The following MRE11 variants were observed in gnomAD, a reference collection of about 807,000 sequenced individuals.
The protein encoded by MRE11 is double-strand break repair protein MRE11.
A neutral mutation model predicts 91.7 loss-of-function variants in MRE11; 62 were observed. That is an observed-to-expected ratio of 0.68 (90% CI 0.55 to 0.84). The LOEUF (loss-of-function observed/expected upper bound fraction) is 0.84, where lower values mean the gene tolerates loss of function less well. MRE11 is among the 40% of genes least tolerant of loss of function. The pLI is 0.00. For missense variants in MRE11, 796 were observed against 852.9 expected (o/e 0.93, Z 0.83); for synonymous variants, 273 against 271.4 (o/e 1.01, Z -0.06).
chr11:94,490,473 C>T (rs1053963655), intron 3 of MRE11, among the ~76,000 whole-genome samples: 1 of 152,186 alleles, frequency 6.6e-6, no homozygotes, highest in Non-Finnish European at 1.5e-5. Flanking sequence ...CTATCACATA[C>T]AACCTTGCAT....
intron 16 of MRE11, among the ~76,000 whole-genome samples, chr11:94,440,578 T>G (rs1945752679): frequency 6.6e-6 from 1 of 152,148 alleles, no homozygotes; most frequent in African/African-American, 2.4e-5. Flanking sequence ...ATGTTAACAT[T>G]GGTTTTGAGA....
intron 14 of MRE11, among the ~76,000 whole-genome samples, chr11:94,448,934 T>TA (rs1946021426): frequency 6.6e-6 from 1 of 151,972 alleles, no homozygotes; most frequent in South Asian, 2.1e-4. Flanking sequence ...ACACACAAAC[T>TA]ATAAAGAAGA....
chr11:94,510,884 A>C, the MRE11 span, among the ~76,000 whole-genome samples: 1 of 152,212 alleles, frequency 6.6e-6, no homozygotes, highest in Non-Finnish European at 1.5e-5. Flanking sequence ...GTTCAAATCA[A>C]ATCTTAGGCA....
chr11:94,487,353 C>T (rs74611001), intron 3 of MRE11, among the ~76,000 whole-genome samples: 52 of 152,312 alleles, frequency 3.4e-4, no homozygotes, highest in African/African-American at 1.2e-3. Flanking sequence ...GAACACGACT[C>T]ACTTCTGTGG....
At chr11:94,475,358 T>C (rs1946824095) in intron 7 of MRE11, 1 of 297,334 alleles carries the variant, frequency 3.4e-6, no homozygotes, top group South Asian at 3.2e-5. Context: ...GCAAATGCTA[T>C]ACCATTTTAT....
In MRE11 at chr11:94,419,507, G is replaced by A. The variant is rs2134730107; in HGVS notation, c.*618C>T. 4.8e-6 allele frequency: 1 copy of A among 207,180 alleles called. No homozygotes were observed. Among genetic ancestry groups the A allele is most frequent in the East Asian group, 6.6e-5 (1 of 15,064 alleles). 12.8% of individuals were successfully genotyped at this position (207,180 alleles called of 1,614,324 possible). ...GAGAGAGAGAGAGAACACCATTAAGGATACAGAATAATAAAGGAAATTACT... is the reference window on the plus strand; with the variant it reads ...GAGAGAGAGAGAGAACACCATTAAGAATACAGAATAATAAAGGAAATTACT... On this transcript the variant is annotated 3_prime_UTR_variant, in exon 20 of 20. Transcript: ENST00000323929.
At chr11:94,469,878 G>C (rs767245930) in intron 9 of MRE11, among the ~76,000 whole-genome samples, 2 of 152,146 alleles carry the variant, frequency 1.3e-5, no homozygotes, top group African/African-American at 2.4e-5. Context: ...AGCAAGTGAT[G>C]CTAATTAAGC....
At chr11:94,491,020 TCAAA>T (rs1947271197) in intron 2 of MRE11, 55 bp from the exon 3 acceptor site, 1 of 1,067,278 alleles carries the variant, frequency 9.4e-7, no homozygotes, top group Admixed American at 2.1e-5. Flanking sequence ...TAAAGGATAT[TCAAA>T]CAAATTGAGA....
At chr11:94,470,380 A>T in intron 9 of MRE11, 91 bp downstream of exon 9, 1 of 1,273,164 alleles carries the variant, frequency 7.9e-7, no homozygotes, top group South Asian at 1.2e-5. Flanking sequence ...ATCAACATAA[A>T]GGCTTCCCTC....
chr11:94,432,725 G>A (rs1304256426), intron 18 of MRE11, among the ~76,000 whole-genome samples: 1 of 152,208 alleles, frequency 6.6e-6, no homozygotes, highest in Non-Finnish European at 1.5e-5. Context: ...AGAATGGCGT[G>A]AACCCAGGAG....
rs1555005329 is a variant in MRE11, at chr11:94,447,286, T to C, written c.1716A>G (p.Arg572=). The C allele has an allele frequency of 6.2e-7, 1 of 1,614,102 alleles. No homozygotes were observed. Among genetic ancestry groups the C allele is most frequent in the Non-Finnish European group, 8.5e-7 (1 of 1,180,004 alleles). ...ISAATNKGRG[R]GRGRRGGRGQ... is the part of the protein sequence containing the mutation. The stretch of plus-strand genomic sequence containing the variant: ...CTCTTCCACCTCTTCGACCTCTTCC[T>C]CGGCCTCTTCCTTTGTTGGTTGCTG... The change falls in exon 15 of 20, where the codon CGA becomes CGG. Residue 572 remains arginine (R), a synonymous_variant. Transcript: ENST00000323929.
At chr11:94,481,374 T>A (rs1411070227) in intron 4 of MRE11, among the ~76,000 whole-genome samples, 2 of 152,216 alleles carry the variant, frequency 1.3e-5, no homozygotes, top group African/African-American at 4.8e-5. Flanking sequence ...CCATATTCTT[T>A]ATTTATTACT....
chr11:94,486,159 T>TAAA lies in MRE11; in HGVS notation c.154-78_154-76dup, dbSNP rs199539992. ...TTTTGTAAACTACAGATGAAAGAGA[T>TAAA]AAAAAAAAACTCACAAAAGACACTA... On this transcript the variant is annotated intron_variant, in intron 3 of 19. Coordinates refer to ENST00000323929, the MANE Select transcript of MRE11 (RefSeq NM_005591.4). 1.2e-3 allele frequency: 1,740 copies of TAAA among 1,414,530 alleles called. 5 individuals carry two copies. The African/African-American group carries it at 0.019, about 15-fold the overall frequency. The allele number at this position is 1,414,530 out of a possible 1,614,324, so 87.6% of individuals were successfully genotyped here. A position where few individuals can be genotyped will look rare whatever the true frequency, so the allele number is the denominator to read the frequency against.
intron 19 of MRE11, among the ~76,000 whole-genome samples, chr11:94,428,855 C>T (rs937750906): frequency 6.6e-6 from 1 of 151,416 alleles, no homozygotes; most frequent in Non-Finnish European, 1.5e-5. Context: ...AAGAGCGAAA[C>T]TCCATGTCAA....
chr11:94,466,558 A>C (rs762603325), intron 10 of MRE11: 1 of 516,456 alleles, frequency 1.9e-6, no homozygotes, highest in East Asian at 5.6e-5. Context: ...AAAACCCGCA[A>C]ATACTTTTGC....
rs1805362 is a variant in MRE11, at chr11:94,420,160, T to C, written c.2092A>G (p.Met698Val). 9.9e-4 allele frequency: 1,571 copies of C among 1,582,312 alleles called. 25 individuals are homozygous for C. In the African/African-American group the frequency reaches 0.019, roughly 19 times the overall value. Residue 698 changes from methionine (M) to valine (V), a missense_variant, in exon 20 of 20, where the codon ATG becomes GTG. Physicochemically the swap from Met to Val is conservative, Grantham distance 21. Transcript: ENST00000323929. ...SSEDDDDDPFMNTSSLRRNRR is the reference protein window; with the variant it reads ...SSEDDDDDPFVNTSSLRRNRR ...TTTCTTCTTAAAGAACTAGTGTTCA[T>C]AAAAGGATCATCATCATCATCCTGA...
chr11:94,462,920 A>C (rs371859034), intron 11 of MRE11, among the ~76,000 whole-genome samples: 2 of 152,330 alleles, frequency 1.3e-5, no homozygotes, highest in East Asian at 3.9e-4. Context: ...AAAAGCCAAA[A>C]TTGACAAATG....
At chr11:94,433,886 C>T (rs918478930) in intron 18 of MRE11, among the ~76,000 whole-genome samples, 1 of 152,180 alleles carries the variant, frequency 6.6e-6, no homozygotes, top group African/African-American at 2.4e-5. Context: ...TTAAAATTTC[C>T]GCTTAAATGT....
At chr11:94,448,116 G>GA (rs958557199) in intron 14 of MRE11, among the ~76,000 whole-genome samples, 3 of 151,898 alleles carry the variant, frequency 2.0e-5, no homozygotes, top group African/African-American at 4.8e-5. Context: ...GAAATAATAA[G>GA]AAAAAAACTT....
Sources: gnomAD v4.1 joint callset for allele counts (sites outside exome capture counted in the v4.1 genomes callset) on GRCh38, gnomAD v4.1.1 for gene constraint, MANE v1.5 for transcripts, NCBI Gene and HGNC (gene_info 2026-07-23, HGNC 2026-07-21) for gene names.